Variants in NDST4 observed in about 807,000 individuals in gnomAD.
The protein encoded by NDST4 is N-heparan sulfate sulfotransferase 4.
Under a neutral mutation model 100.8 loss-of-function variants are expected in NDST4, and 63 were observed. That is an observed-to-expected ratio of 0.62 (90% CI 0.51 to 0.77). The LOEUF is 0.77. NDST4 is among the 30% of genes least tolerant of loss of function. The probability of loss-of-function intolerance (pLI) is 0.00; values close to 1 mark genes in which losing one functional copy is unlikely to be tolerated. For synonymous variants in NDST4, 377 were observed against 361.8 expected (o/e 1.04, Z -0.48); for missense variants, 943 against 1,018.4 (o/e 0.93, Z 1.01).
intron 3 of NDST4, among the ~76,000 whole-genome samples, chr4:114,975,034 C>A (rs1188169095): frequency 6.6e-6 from 1 of 152,014 alleles, no homozygotes; most frequent in Non-Finnish European, 1.5e-5. Flanking sequence ...AAGGAATGCA[C>A]CTCCTTGATT....
intron 6 of NDST4, among the ~76,000 whole-genome samples, chr4:114,929,070 G>A (rs368484239): frequency 0.017 from 1,553 of 92,506 alleles, 23 homozygotes; most frequent in Middle Eastern, 0.064. Flanking sequence ...CCGTCCGTCC[G>A]TCCGTCCATC....
At chr4:114,836,755 A>G (rs1291824770) in intron 11 of NDST4, among the ~76,000 whole-genome samples, 1 of 152,122 alleles carries the variant, frequency 6.6e-6, no homozygotes, top group Admixed American at 6.6e-5. Context: ...AAGTACACCA[A>G]TCAATTGTAG....
chr4:115,013,712 GCATA>G (rs1727611477), intron 2 of NDST4, among the ~76,000 whole-genome samples: 1 of 151,820 alleles, frequency 6.6e-6, no homozygotes, highest in Admixed American at 6.6e-5. Flanking sequence ...AGTTCTGAAT[GCATA>G]ACTGGAATGG....
At chr4:114,951,280 T>C (rs1043273343) in intron 4 of NDST4, among the ~76,000 whole-genome samples, 7 of 152,108 alleles carry the variant, frequency 4.6e-5, no homozygotes. Context: ...GGAATGTTTG[T>C]TAAAATATTA....
At chr4:114,995,922 C>A (rs1727150771) in intron 2 of NDST4, among the ~76,000 whole-genome samples, 1 of 151,820 alleles carries the variant, frequency 6.6e-6, no homozygotes, top group Admixed American at 6.6e-5. Flanking sequence ...AATTAATGTG[C>A]AATATAAATG....
chr4:115,001,579 T>C (rs1021184090), intron 2 of NDST4, among the ~76,000 whole-genome samples: 5 of 151,916 alleles, frequency 3.3e-5, no homozygotes, highest in Non-Finnish European at 5.9e-5. Flanking sequence ...GAAAAATGAC[T>C]CCCTGTATTA....
chr4:114,883,954 A>G (rs1234058727), intron 6 of NDST4, among the ~76,000 whole-genome samples: 1 of 152,102 alleles, frequency 6.6e-6, no homozygotes, highest in East Asian at 1.9e-4. Context: ...CCCTCTGCTC[A>G]TCTACAGAGT....
intron 7 of NDST4, among the ~76,000 whole-genome samples, chr4:114,869,541 C>T (rs1037372366): frequency 1.1e-4 from 17 of 151,988 alleles, no homozygotes; most frequent in African/African-American, 3.1e-4. Context: ...TTGATATATG[C>T]GCATAATACT....
intron 2 of NDST4, among the ~76,000 whole-genome samples, chr4:115,058,067 C>G (rs1728741176): frequency 6.6e-6 from 1 of 152,114 alleles, no homozygotes; most frequent in Non-Finnish European, 1.5e-5. Flanking sequence ...ATTTCACGTT[C>G]TGTTAATGAA....
chr4:114,878,524 T>C (rs1448016337), intron 6 of NDST4, among the ~76,000 whole-genome samples: 1 of 152,226 alleles, frequency 6.6e-6, no homozygotes, highest in Non-Finnish European at 1.5e-5. Context: ...CAGATTGCTA[T>C]AATATTCATA....
intron 2 of NDST4, among the ~76,000 whole-genome samples, chr4:115,034,288 A>G (rs1728186067): frequency 6.6e-6 from 1 of 151,992 alleles, no homozygotes; most frequent in Non-Finnish European, 1.5e-5. Flanking sequence ...TGCAGCCCCC[A>G]TCTGCCCTGC....
chr4:115,046,531 G>A (rs983326111), intron 2 of NDST4, among the ~76,000 whole-genome samples: 1 of 152,118 alleles, frequency 6.6e-6, no homozygotes, highest in Non-Finnish European at 1.5e-5. Flanking sequence ...GGAAAAAGGA[G>A]TAATTCATTA....
At chr4:115,097,193 T>C (rs1236540998) in intron 1 of NDST4, among the ~76,000 whole-genome samples, 3 of 152,172 alleles carry the variant, frequency 2.0e-5, no homozygotes, top group African/African-American at 7.2e-5. Flanking sequence ...TTTTAAGTAC[T>C]ATTGATAAAG....
chr4:114,864,367 A>G (rs1022226431), intron 7 of NDST4, among the ~76,000 whole-genome samples: 1 of 152,220 alleles, frequency 6.6e-6, no homozygotes, highest in Non-Finnish European at 1.5e-5. Context: ...GGCATCTTTT[A>G]AAACACATTT....
intron 7 of NDST4, among the ~76,000 whole-genome samples, chr4:114,864,261 T>A (rs1419487129): frequency 6.6e-6 from 1 of 152,194 alleles, no homozygotes; most frequent in East Asian, 1.9e-4. Context: ...GATAGAAGGA[T>A]TATTTTACTA....
At chr4:114,849,749 C>G (rs1226980977) in intron 8 of NDST4, among the ~76,000 whole-genome samples, 1 of 152,026 alleles carries the variant, frequency 6.6e-6, no homozygotes, top group Non-Finnish European at 1.5e-5. Context: ...TAAGGAATAA[C>G]AAATGTGAAA....
chr4:115,095,794 T>C (rs906929947), intron 1 of NDST4, among the ~76,000 whole-genome samples: 1 of 152,126 alleles, frequency 6.6e-6, no homozygotes, highest in Non-Finnish European at 1.5e-5. Context: ...TCTTTCTCCC[T>C]ACTATTGTTA....
chr4:114,993,703 A>G (rs1166537993), intron 2 of NDST4, among the ~76,000 whole-genome samples: 2 of 151,990 alleles, frequency 1.3e-5, no homozygotes, highest in Non-Finnish European at 2.9e-5. Context: ...GTGCATTCAT[A>G]AAGTCTATCT....
intron 2 of NDST4, among the ~76,000 whole-genome samples, chr4:115,051,114 CT>C (rs945695437): frequency 6.6e-6 from 1 of 151,930 alleles, no homozygotes; most frequent in African/African-American, 2.4e-5. Flanking sequence ...TCAATATTTA[CT>C]TTTTTCCATG....
Sources: allele counts gnomAD v4.1 joint callset (sites outside exome capture counted in the v4.1 genomes callset), GRCh38; gene constraint gnomAD v4.1.1; transcripts MANE v1.5; gene names NCBI Gene and HGNC (gene_info 2026-07-23, HGNC 2026-07-21).